TULP4: variants seen among roughly 807,000 people sequenced by gnomAD.
TULP4 encodes the protein tubby-related protein 4.
A neutral mutation model predicts 129.0 loss-of-function variants in TULP4; 16 were observed. That is an observed-to-expected ratio of 0.12 (90% confidence interval 0.08 to 0.19). The LOEUF is 0.19. Ranked by LOEUF, TULP4 falls within the 10% of genes least tolerant of loss-of-function variation. The pLI is 1.00. For synonymous variants in TULP4, 998 were observed against 854.0 expected (o/e 1.17, Z -2.94); for missense variants, 1,842 against 2,059.1 (o/e 0.89, Z 2.04).
chr6:158,286,925 T>C (rs9459946), intron 1 of TULP4, among the ~76,000 whole-genome samples: 26,288 of 152,208 alleles, frequency 0.17, 2,707 homozygotes, highest in Middle Eastern at 0.24. Context: ...TATTCTTTTG[T>C]GAGGACGCAC....
At chr6:158,280,238 TA>T (rs1289327922), upstream of TULP4, among the ~76,000 whole-genome samples, 1 of 152,190 alleles carries the variant, frequency 6.6e-6, no homozygotes, top group Non-Finnish European at 1.5e-5. Context: ...ACTTATACAT[TA>T]AAAAATGAAT....
intron 1 of TULP4, among the ~76,000 whole-genome samples, chr6:158,396,633 TA>T (rs1240168463): frequency 2.0e-5 from 3 of 152,180 alleles, no homozygotes; most frequent in African/African-American, 4.8e-5. Flanking sequence ...AAATAATATA[TA>T]TTTTTAAAGT....
At chr6:158,396,989 T>C (rs901564414) in intron 1 of TULP4, among the ~76,000 whole-genome samples, 7 of 152,160 alleles carry the variant, frequency 4.6e-5, no homozygotes, top group Non-Finnish European at 8.8e-5. Flanking sequence ...ATTGAATAGC[T>C]GATGCAGTTA....
intron 1 of TULP4, among the ~76,000 whole-genome samples, chr6:158,403,545 G>C (rs1197322196): frequency 6.6e-6 from 1 of 152,070 alleles, no homozygotes; most frequent in Admixed American, 6.5e-5. Flanking sequence ...TCTCCATGTT[G>C]GTCAGGCTGG....
rs559732115 is a variant in TULP4 at position 158,412,812 on chromosome 6, C to T, written c.253-253C>T. On this transcript the variant is annotated intron_variant, in intron 1 of 13. Coordinates refer to ENST00000367097, the MANE Select transcript of TULP4 (RefSeq NM_020245.5). ...TGCTGGGTGCGGATGGGCCCCAGGT[C>T]GCCTCTTTGTTTTTGTAGTAGTGGG... Among the ~76,000 whole-genome samples the T allele has an allele frequency of 2.4e-3, 369 of 152,226 alleles. 2 individuals are homozygous for T. Among genetic ancestry groups the T allele is most frequent in the South Asian group, 3.5e-3 (17 of 4,822 alleles).
At chr6:158,397,154 G>A (rs1777736851) in intron 1 of TULP4, among the ~76,000 whole-genome samples, 1 of 152,224 alleles carries the variant, frequency 6.6e-6, no homozygotes, top group African/African-American at 2.4e-5. Flanking sequence ...CCATCTGACA[G>A]CAGTTTATGG....
intron 6 of TULP4, among the ~76,000 whole-genome samples, chr6:158,471,397 C>A (rs766344998): frequency 1.3e-5 from 2 of 152,078 alleles, no homozygotes; most frequent in African/African-American, 4.8e-5. Context: ...AGTAGCAGGG[C>A]CAAGGAGTCG....
At chr6:158,319,288 C>A (rs1217269991) in intron 1 of TULP4, among the ~76,000 whole-genome samples, 2 of 152,122 alleles carry the variant, frequency 1.3e-5, no homozygotes, top group African/African-American at 4.8e-5. Flanking sequence ...AAATACTTGT[C>A]TCTAAGGATT....
chr6:158,237,401 C>T (rs749198184), intron 1 of TULP4: 66 of 1,610,684 alleles, frequency 4.1e-5, no homozygotes, highest in Non-Finnish European at 5.6e-5. Context: ...GCTGGAGCCC[C>T]TGCAGGTCTC....
At chr6:158,257,385 T>A (rs938336862) in intron 1 of TULP4, among the ~76,000 whole-genome samples, 3 of 152,178 alleles carry the variant, frequency 2.0e-5, no homozygotes, top group Admixed American at 2.0e-4. Flanking sequence ...CTCAAACTCT[T>A]ATGATGTGTC....
chr6:158,395,815 A>AT (rs5881261), intron 1 of TULP4, among the ~76,000 whole-genome samples: 2,960 of 147,656 alleles, frequency 0.02, 98 homozygotes, highest in African/African-American at 0.068. Context: ...TTTTTCTTTG[A>AT]TTTTTTTTTT....
At position 158,493,909 on chromosome 6, in the gene TULP4, C is replaced by G. The variant is rs1013853531; in HGVS notation, c.1776+192C>G. 1.3e-5 allele frequency among the ~76,000 whole-genome samples: 2 copies of G among 152,184 alleles called. No individual in the cohort carries two copies. The highest frequency in any genetic ancestry group is 2.9e-5 in the Non-Finnish European group (2 of 68,016). On this transcript the variant is annotated intron_variant, in intron 10 of 13. Coordinates refer to ENST00000367097, the MANE Select transcript of TULP4 (RefSeq NM_020245.5). This position sits in a 1 kb window ranked among gnomAD's most constrained non-coding sequence, Gnocchi z 4.4. ...CTCTGGCTTCTCCACCTGTGCCCCT[C>G]AGCCAGTTCTGATCTTGCAGTGACG...
At chr6:158,411,795 G>T (rs572069682) in intron 1 of TULP4, among the ~76,000 whole-genome samples, 12 of 152,284 alleles carry the variant, frequency 7.9e-5, no homozygotes, top group Admixed American at 3.3e-4. Context: ...AAGTCCCGGG[G>T]TTTATGTGTT....
At chr6:158,476,220 C>T (rs760134378) in intron 6 of TULP4, among the ~76,000 whole-genome samples, 1 of 152,094 alleles carries the variant, frequency 6.6e-6, no homozygotes, top group Non-Finnish European at 1.5e-5. Flanking sequence ...GTGTCCGTGC[C>T]CTGCCCTCTC....
chr6:158,263,940 G>A (rs560832526), intron 1 of TULP4, among the ~76,000 whole-genome samples: 12 of 152,138 alleles, frequency 7.9e-5, no homozygotes, highest in African/African-American at 2.9e-4. Context: ...GCAGGTGCCT[G>A]TATTCCCAGC....
chr6:158,473,558 G>C (rs1344812307), intron 6 of TULP4, among the ~76,000 whole-genome samples: 1 of 152,184 alleles, frequency 6.6e-6, no homozygotes, highest in Non-Finnish European at 1.5e-5. Flanking sequence ...TGCTCTCGTT[G>C]CTTAGGCTGG....
At chr6:158,242,868 TTCGCC>T (rs1257243256) in intron 1 of TULP4, 3 of 201,382 alleles carry the variant, frequency 1.5e-5, no homozygotes, top group African/African-American at 7.1e-5. Context: ...CACTGCAACC[TTCGCC>T]TCCCGGGTTC....
chr6:158,315,782 C>T (rs1302234565), intron 1 of TULP4, among the ~76,000 whole-genome samples: 1 of 152,202 alleles, frequency 6.6e-6, no homozygotes, highest in Non-Finnish European at 1.5e-5. Flanking sequence ...ATAAATGGCA[C>T]CTCGTTCCTG....
chr6:158,388,486 C>T (rs954209606), intron 1 of TULP4, among the ~76,000 whole-genome samples: 5 of 151,550 alleles, frequency 3.3e-5, no homozygotes, highest in African/African-American at 1.2e-4. Context: ...CCCATCACAA[C>T]GCCCGGCTAA....
Sources: allele counts gnomAD v4.1 joint callset (sites outside exome capture counted in the v4.1 genomes callset), GRCh38; gene constraint gnomAD v4.1.1; non-coding constraint Gnocchi (gnomAD v3.1); transcripts MANE v1.5; gene names NCBI Gene and HGNC (gene_info 2026-07-23, HGNC 2026-07-21).